EXT1: variants seen among roughly 807,000 people sequenced by gnomAD.
The protein encoded by EXT1 is exostosin glycosyltransferase 1.
Under a neutral mutation model 82.5 loss-of-function variants are expected in EXT1, and 20 were observed. That is an observed-to-expected ratio of 0.24 (90% CI 0.17 to 0.35). The LOEUF (loss-of-function observed/expected upper bound fraction) is 0.35, where lower values mean the gene tolerates loss of function less well. Among genes scored for constraint, EXT1 ranks in the 10% least tolerant of loss-of-function variants. EXT1 has a pLI of 1.00. For missense variants in EXT1, 757 were observed against 936.5 expected (o/e 0.81, Z 2.50); for synonymous variants, 348 against 350.8 (o/e 0.99, Z 0.09).
chr8:117,910,732 C>T (rs1451672228), intron 1 of EXT1, among the ~76,000 whole-genome samples: 1 of 152,202 alleles, frequency 6.6e-6, no homozygotes, highest in Non-Finnish European at 1.5e-5. Flanking sequence ...TTGACGGAAG[C>T]TTAGAAAAGC....
At chr8:117,941,714 A>T (rs577762689) in intron 1 of EXT1, among the ~76,000 whole-genome samples, 103 of 152,320 alleles carry the variant, frequency 6.8e-4, no homozygotes, top group African/African-American at 2.3e-3. Context: ...TCCAGAATGG[A>T]TCCTTCTAAA....
At chr8:117,929,864 T>C (rs1163423520) in intron 1 of EXT1, among the ~76,000 whole-genome samples, 1 of 152,144 alleles carries the variant, frequency 6.6e-6, no homozygotes, top group East Asian at 1.9e-4. Context: ...TCGCAGCACT[T>C]TGGGAGGCCA....
chr8:117,902,651 A>G (rs1376576484), intron 1 of EXT1, among the ~76,000 whole-genome samples: 1 of 152,200 alleles, frequency 6.6e-6, no homozygotes, highest in African/African-American at 2.4e-5. Flanking sequence ...ACATATTAGG[A>G]AAACAATATA....
intron 1 of EXT1, among the ~76,000 whole-genome samples, chr8:118,013,734 T>C (rs1725444830): frequency 1.3e-5 from 2 of 152,224 alleles, no homozygotes; most frequent in South Asian, 2.1e-4. Flanking sequence ...GTATGTCAGA[T>C]AAACAACGAA....
intron 1 of EXT1, among the ~76,000 whole-genome samples, chr8:118,082,960 A>G (rs1276687447): frequency 6.6e-6 from 1 of 152,052 alleles, no homozygotes; most frequent in Non-Finnish European, 1.5e-5. Context: ...TACTGATTAC[A>G]CTCTCTTCCA....
chr8:117,859,493 T>C (rs779585359), intron 1 of EXT1, among the ~76,000 whole-genome samples: 4 of 152,220 alleles, frequency 2.6e-5, no homozygotes, highest in Non-Finnish European at 5.9e-5. Context: ...TAGATGGATA[T>C]GTTAGGTGAA....
At chr8:117,967,562 T>TG (rs35040343) in intron 1 of EXT1, among the ~76,000 whole-genome samples, 1 of 152,284 alleles carries the variant, frequency 6.6e-6, no homozygotes, top group South Asian at 2.1e-4. Flanking sequence ...AAACAAACTT[T>TG]GGGGGAAAAA....
intron 1 of EXT1, among the ~76,000 whole-genome samples, chr8:117,982,741 C>A (rs1815235356): frequency 6.6e-6 from 1 of 152,196 alleles, no homozygotes; most frequent in Admixed American, 6.5e-5. Flanking sequence ...ATCTGCTCAA[C>A]TCAGCCTCCC....
At chr8:118,096,994 G>A (rs1411390508) in intron 1 of EXT1, among the ~76,000 whole-genome samples, 1 of 152,122 alleles carries the variant, frequency 6.6e-6, no homozygotes, top group Admixed American at 6.5e-5. Flanking sequence ...GAGTCAGTCG[G>A]GCATGGTGCT....
intron 1 of EXT1, among the ~76,000 whole-genome samples, chr8:117,931,812 T>C (rs1814066360): frequency 6.6e-6 from 1 of 152,232 alleles, no homozygotes; most frequent in Non-Finnish European, 1.5e-5. Context: ...TCAAGGTTTC[T>C]ATTGCAGCTA....
chr8:118,018,378 T>C (rs1230756002), intron 1 of EXT1, among the ~76,000 whole-genome samples: 1 of 152,148 alleles, frequency 6.6e-6, no homozygotes, highest in East Asian at 1.9e-4. Flanking sequence ...CAGGATGATG[T>C]TTCTATAAAG....
chr8:117,857,586 G>A (rs948856784), intron 1 of EXT1, among the ~76,000 whole-genome samples: 1 of 151,368 alleles, frequency 6.6e-6, no homozygotes, highest in Non-Finnish European at 1.5e-5. Context: ...TGTAGTCCCA[G>A]ATATTCAGGA....
In EXT1 at chr8:117,861,488, CTTTTTTTTTTTT is replaced by C. The variant is rs755653091; in HGVS notation, c.963-24299_963-24288del. ...GCCATTTGCTCCCTGAAGTTTTTATCTTTTTTTTTTTTTTTTTTTTTTTTGAGATAGAGTCTT... is the reference window on the plus strand; with the variant it reads ...GCCATTTGCTCCCTGAAGTTTTTATCTTTTTTTTTTTTGAGATAGAGTCTT... On this transcript the variant is annotated intron_variant, in intron 1 of 10. Coordinates refer to ENST00000378204, the MANE Select transcript of EXT1 (RefSeq NM_000127.3). Among the ~76,000 whole-genome samples the C allele has an allele frequency of 1.2e-4, 10 of 86,840 alleles. 1 individual carries two copies. In the South Asian group the frequency reaches 1.5e-3, roughly 13 times the overall value. The allele number at this position is 86,840 out of a possible 152,430, so 57.0% of individuals were successfully genotyped here.
intron 1 of EXT1, among the ~76,000 whole-genome samples, chr8:117,940,680 CG>C (rs1219452266): frequency 6.6e-6 from 1 of 152,084 alleles, no homozygotes; most frequent in Non-Finnish European, 1.5e-5. Context: ...TAAGAAGACT[CG>C]GGAGATGGTA....
intron 1 of EXT1, among the ~76,000 whole-genome samples, chr8:118,080,196 TCA>T (rs1327426140): frequency 7.2e-5 from 11 of 152,184 alleles, no homozygotes; most frequent in African/African-American, 2.4e-4. Flanking sequence ...CAAATTCAGA[TCA>T]TCTGTGTTTT....
intron 1 of EXT1, among the ~76,000 whole-genome samples, chr8:118,023,543 C>G (rs764200726): frequency 1.8e-4 from 27 of 152,166 alleles, no homozygotes; most frequent in Non-Finnish European, 3.7e-4. Context: ...CTAGCAGGCT[C>G]TCAGGCTACT....
intron 1 of EXT1, among the ~76,000 whole-genome samples, chr8:117,887,339 G>T (rs190133383): frequency 6.6e-6 from 1 of 152,202 alleles, no homozygotes; most frequent in Admixed American, 6.5e-5. Flanking sequence ...CATGTTTCCA[G>T]GAACATCTTC....
intron 1 of EXT1, among the ~76,000 whole-genome samples, chr8:118,063,304 C>A (rs549417273): frequency 6.6e-6 from 1 of 152,336 alleles, no homozygotes; most frequent in East Asian, 1.9e-4. Context: ...AAAGTTATCA[C>A]AAACCCGTAT....
chr8:117,937,501 C>T (rs969155795), intron 1 of EXT1, among the ~76,000 whole-genome samples: 7 of 152,236 alleles, frequency 4.6e-5, no homozygotes, highest in Non-Finnish European at 7.3e-5. Context: ...GTTTCTTCAT[C>T]CTGCCCCCTC....
Sources: gnomAD v4.1 joint callset for allele counts (sites outside exome capture counted in the v4.1 genomes callset) on GRCh38, gnomAD v4.1.1 for gene constraint, MANE v1.5 for transcripts, NCBI Gene and HGNC (gene_info 2026-07-23, HGNC 2026-07-21) for gene names.